Variants in ERBB4 observed in about 807,000 individuals in gnomAD.
ERBB4 encodes the protein receptor tyrosine-protein kinase erbB-4.
In ERBB4, 42 loss-of-function variants were observed where a neutral mutation model predicts 158.0. That is an observed-to-expected ratio of 0.27 (90% confidence interval 0.21 to 0.34). The LOEUF (loss-of-function observed/expected upper bound fraction) is 0.34, where lower values mean the gene tolerates loss of function less well. Ranked by LOEUF, ERBB4 falls within the 10% of genes least tolerant of loss-of-function variation. ERBB4 has a pLI of 1.00. For missense variants in ERBB4, 1,333 were observed against 1,624.1 expected, an observed-to-expected ratio of 0.82 and a Z score of 3.08; for synonymous variants, 583 against 558.7, an observed-to-expected ratio of 1.04 and a Z score of -0.61.
At chr2:211,569,242 A>G (rs949261982) in intron 19 of ERBB4, among the ~76,000 whole-genome samples, 2 of 152,352 alleles carry the variant, frequency 1.3e-5, no homozygotes, top group Non-Finnish European at 2.9e-5. Context: ...AGAAGTCTAC[A>G]TCGGGAAAGA....
At chr2:212,325,492 C>G in intron 1 of ERBB4, among the ~76,000 whole-genome samples, 1 of 150,666 alleles carries the variant, frequency 6.6e-6, no homozygotes, top group East Asian at 1.9e-4. Flanking sequence ...ACAGTTATAA[C>G]AGAAATGCTT....
chr2:211,759,511 T>C (rs749525115), intron 4 of ERBB4, among the ~76,000 whole-genome samples: 1 of 152,126 alleles, frequency 6.6e-6, no homozygotes, highest in East Asian at 1.9e-4. Context: ...CTCACTGTCA[T>C]CTCCTGCTGT....
rs112586743 is a variant in ERBB4, at chr2:211,439,923, A to AT, written c.2488-8824dup. ...TCCTGAGGCCGACAGAGATAACAGA[A>AT]TTTTTTTTTCTTGCTCCTTACATTT... On this transcript the variant is annotated intron_variant, in intron 20 of 27. Coordinates refer to ENST00000342788, the MANE Select transcript of ERBB4 (RefSeq NM_005235.3). Among the ~76,000 whole-genome samples, 1,449 of 151,844 alleles carry AT rather than the reference A, an allele frequency of 9.5e-3. 23 individuals carry two copies. The highest frequency in any genetic ancestry group is 0.033 in the African/African-American group (1,370 of 41,410).
intron 20 of ERBB4, among the ~76,000 whole-genome samples, chr2:211,458,348 C>A (rs2064440776): frequency 6.6e-6 from 1 of 151,884 alleles, no homozygotes; most frequent in South Asian, 2.1e-4. Flanking sequence ...CTCACTGCAA[C>A]CTCCGCCTCC....
chr2:211,704,508 T>A (rs777992385), intron 10 of ERBB4, among the ~76,000 whole-genome samples: 17 of 152,230 alleles, frequency 1.1e-4, no homozygotes, highest in Non-Finnish European at 2.4e-4. Flanking sequence ...TCTTCATCTG[T>A]TCACTTATGA....
At chr2:211,752,098 T>A (rs2075147040) in intron 4 of ERBB4, among the ~76,000 whole-genome samples, 1 of 152,194 alleles carries the variant, frequency 6.6e-6, no homozygotes, top group South Asian at 2.1e-4. Flanking sequence ...AAGCTCATTG[T>A]AGCTGACAGG....
At chr2:211,818,408 T>G (rs1157600250) in intron 3 of ERBB4, among the ~76,000 whole-genome samples, 2 of 151,912 alleles carry the variant, frequency 1.3e-5, no homozygotes, top group African/African-American at 4.8e-5. Context: ...TCTGAGAACA[T>G]ACAGGAGGGC....
chr2:212,472,029 A>G (rs950863399), intron 1 of ERBB4, among the ~76,000 whole-genome samples: 2 of 151,868 alleles, frequency 1.3e-5, no homozygotes, highest in African/African-American at 2.4e-5. Flanking sequence ...CCATTTGTAA[A>G]TCAACTATCA....
chr2:211,450,386 A>T (rs557599057), intron 20 of ERBB4, among the ~76,000 whole-genome samples: 1 of 152,260 alleles, frequency 6.6e-6, no homozygotes, highest in African/African-American at 2.4e-5. Flanking sequence ...ATTTTGAGAA[A>T]AATCTCATTG....
At chr2:211,401,480 G>A (rs2063041281) in intron 25 of ERBB4, among the ~76,000 whole-genome samples, 1 of 151,954 alleles carries the variant, frequency 6.6e-6, no homozygotes, top group African/African-American at 2.4e-5. Context: ...AACAGGCCAA[G>A]GAGAAGTCCT....
intron 1 of ERBB4, among the ~76,000 whole-genome samples, chr2:212,354,096 T>G (rs75203932): frequency 6.6e-6 from 1 of 152,180 alleles, no homozygotes; most frequent in East Asian, 1.9e-4. Context: ...ACCTGGCTCA[T>G]CCTTACCAAT....
chr2:211,529,322 G>C (rs950622245), intron 20 of ERBB4, among the ~76,000 whole-genome samples: 4 of 151,202 alleles, frequency 2.6e-5, no homozygotes, highest in Admixed American at 1.3e-4. Flanking sequence ...TCCAAAACCT[G>C]AACAAACAAG....
At chr2:211,502,646 T>G (rs2125594153) in intron 20 of ERBB4, among the ~76,000 whole-genome samples, 1 of 152,276 alleles carries the variant, frequency 6.6e-6, no homozygotes, top group Admixed American at 6.5e-5. Flanking sequence ...TCTTTATATC[T>G]AGAAACCATA....
In ERBB4 at chr2:212,505,829, T is replaced by C. The variant is rs760795132; in HGVS notation, c.82+32620A>G. 2.7e-5 allele frequency among the ~76,000 whole-genome samples: 4 copies of C among 149,016 alleles called. 1 individual carries two copies. Among genetic ancestry groups the C allele is most frequent in the Non-Finnish European group, 6.1e-5 (4 of 66,066 alleles). On this transcript the variant is annotated intron_variant, in intron 1 of 27. Coordinates refer to ENST00000342788, the MANE Select transcript of ERBB4 (RefSeq NM_005235.3). The stretch of plus-strand genomic sequence containing the variant: ...TTTCTGACTCAGTACTCTCATATCT[T>C]CTGACACCATCTACGACACAGTACA...
At chr2:211,889,301 C>T (rs2078899515) in intron 3 of ERBB4, among the ~76,000 whole-genome samples, 1 of 144,594 alleles carries the variant, frequency 6.9e-6, no homozygotes, top group African/African-American at 2.7e-5. Flanking sequence ...TGACACCTCA[C>T]ACGGCAGGGT....
intron 1 of ERBB4, among the ~76,000 whole-genome samples, chr2:212,360,237 A>G (rs952730875): frequency 6.6e-6 from 1 of 151,652 alleles, no homozygotes; most frequent in African/African-American, 2.4e-5. Context: ...GAGGTTTCCA[A>G]AGCCTTCCTA....
chr2:211,955,491 G>A (rs1165456722), intron 2 of ERBB4, among the ~76,000 whole-genome samples: 1 of 151,932 alleles, frequency 6.6e-6, no homozygotes, highest in Non-Finnish European at 1.5e-5. Context: ...CTGTATCATA[G>A]ACTTATTACA....
At chr2:212,196,786 A>T (rs2082438222) in intron 1 of ERBB4, among the ~76,000 whole-genome samples, 1 of 152,252 alleles carries the variant, frequency 6.6e-6, no homozygotes, top group African/African-American at 2.4e-5. Context: ...CCAAATTAAT[A>T]ATTATGGTAG....
rs144503173 is a variant in ERBB4, at chr2:212,276,709, A to AAAATTAC, written c.83-151813_83-151807dup. ...AGATGAGTAACTCATAGTTCAGAAG[A>AAAATTAC]AAATTACTATGAAACAAAGAGAATT... On this transcript the variant is annotated intron_variant, in intron 1 of 27. Coordinates refer to ENST00000342788, the MANE Select transcript of ERBB4 (RefSeq NM_005235.3). Among the ~76,000 whole-genome samples the AAAATTAC allele has an allele frequency of 5.0e-3, 764 of 151,970 alleles. 3 individuals are homozygous for AAAATTAC. The highest frequency in any genetic ancestry group is 0.018 in the African/African-American group (736 of 41,526).
Sources: gnomAD v4.1 joint callset for allele counts (sites outside exome capture counted in the v4.1 genomes callset) on GRCh38, gnomAD v4.1.1 for gene constraint, MANE v1.5 for transcripts, NCBI Gene and HGNC (gene_info 2026-07-23, HGNC 2026-07-21) for gene names.